SLC39A11: variants seen among roughly 807,000 people sequenced by gnomAD.
The protein encoded by SLC39A11 is zinc transporter ZIP11.
A neutral mutation model predicts 36.1 loss-of-function variants in SLC39A11; 33 were observed. The observed-to-expected ratio is 0.91, with a 90% confidence interval of 0.69 to 1.22. The LOEUF (loss-of-function observed/expected upper bound fraction) is 1.22. SLC39A11 is among the 50% of genes most tolerant of loss of function. The pLI, the probability that SLC39A11 is intolerant of heterozygous loss-of-function variation, is 0.00. For synonymous variants in SLC39A11, 166 were observed against 170.3 expected (o/e 0.97, Z 0.20); for missense variants, 432 against 430.3 (o/e 1.00, Z -0.03).
chr17:72,970,000 C>T (rs1415385404), intron 4 of SLC39A11, among the ~76,000 whole-genome samples: 1 of 152,186 alleles, frequency 6.6e-6, no homozygotes, highest in African/African-American at 2.4e-5. Flanking sequence ...AACGGCAGTC[C>T]CAGCACCACC....
intron 5 of SLC39A11, among the ~76,000 whole-genome samples, chr17:72,926,958 C>A (rs2084085984): frequency 6.8e-6 from 1 of 146,486 alleles, no homozygotes; most frequent in South Asian, 2.1e-4. Context: ...TAAAAGAGAC[C>A]ACTACCCTGA....
chr17:72,925,011 A>AG (rs2147324065), intron 5 of SLC39A11, among the ~76,000 whole-genome samples: 1 of 151,140 alleles, frequency 6.6e-6, no homozygotes, highest in Non-Finnish European at 1.5e-5. Context: ...CAAAAAAAAA[A>AG]AAAAAAAAAA....
At position 72,745,232 on chromosome 17, in the gene SLC39A11, C is replaced by G. The variant is rs113228360; in HGVS notation, c.602-8513G>C. On this transcript the variant is annotated intron_variant, in intron 6 of 9. Coordinates refer to ENST00000255559, the MANE Select transcript of SLC39A11 (RefSeq NM_139177.4). Reference sequence around the variant, plus strand: ...GTGGATGGGAAAGGGCACCTGTACACGGTAGCTTGAGAAGTGCAATCACCT... The same window carrying G: ...GTGGATGGGAAAGGGCACCTGTACAGGGTAGCTTGAGAAGTGCAATCACCT... 1.1e-3 allele frequency among the ~76,000 whole-genome samples: 173 copies of G among 152,324 alleles called. 2 individuals are homozygous for G. Among genetic ancestry groups the G allele is most frequent in the Middle Eastern group, 6.8e-3 (2 of 294 alleles).
chr17:73,005,123 A>G (rs2090108512), intron 4 of SLC39A11, among the ~76,000 whole-genome samples: 1 of 152,122 alleles, frequency 6.6e-6, no homozygotes, highest in African/African-American at 2.4e-5. Flanking sequence ...CAGCCTCCCA[A>G]GTAGCTGGGA....
chr17:72,685,048 G>A (rs908136581), intron 7 of SLC39A11, among the ~76,000 whole-genome samples: 7 of 152,162 alleles, frequency 4.6e-5, no homozygotes, highest in African/African-American at 1.7e-4. Context: ...AATGATCATC[G>A]ATTCAACTCC....
intron 7 of SLC39A11, chr17:72,664,205 CTA>C (rs2070619721): frequency 6.6e-6 from 1 of 152,336 alleles, no homozygotes; most frequent in African/African-American, 2.4e-5. Context: ...GTTATTATTT[CTA>C]TGACAGAGGA....
chr17:72,876,783 G>A (rs527249973), intron 5 of SLC39A11, among the ~76,000 whole-genome samples: 1 of 152,164 alleles, frequency 6.6e-6, no homozygotes, highest in Non-Finnish European at 1.5e-5. Flanking sequence ...AGAAGGATTT[G>A]AGACTGACCT....
At position 73,010,911 on chromosome 17, in the gene SLC39A11, A is replaced by C. The variant is rs184406883; in HGVS notation, c.306+20645T>G. ...CGATGCCGTAAGGAAGCGTTTTCCTAACAATGATCTCCTCTGATCTTCACA... is the reference window on the plus strand; with the variant it reads ...CGATGCCGTAAGGAAGCGTTTTCCTCACAATGATCTCCTCTGATCTTCACA... On this transcript the variant is annotated intron_variant, in intron 4 of 9. Transcript: ENST00000255559. Among the ~76,000 whole-genome samples, 251 of 152,334 alleles carry C rather than the reference A, an allele frequency of 1.6e-3. 1 individual carries two copies. The highest frequency in any genetic ancestry group is 5.9e-3 in the African/African-American group (244 of 41,566).
intron 7 of SLC39A11, among the ~76,000 whole-genome samples, chr17:72,684,491 G>C (rs988266444): frequency 6.6e-6 from 1 of 152,188 alleles, no homozygotes. Context: ...TGCTAGCACC[G>C]ACCACAGTGA....
intron 4 of SLC39A11, among the ~76,000 whole-genome samples, chr17:72,959,325 G>GTGTGTGTGTATATATATATATA (rs1436484912): frequency 3.1e-5 from 2 of 65,548 alleles, no homozygotes; most frequent in African/African-American, 1.4e-4. Context: ...GTGTGTGTGT[G>GTGTGTGTGTATATATATATATA]TATATATATA....
At chr17:72,673,042 C>A (rs950956191) in intron 7 of SLC39A11, among the ~76,000 whole-genome samples, 2 of 152,134 alleles carry the variant, frequency 1.3e-5, no homozygotes, top group African/African-American at 4.8e-5. Flanking sequence ...AGATACCCGG[C>A]CCTTAAAAGA....
intron 7 of SLC39A11, among the ~76,000 whole-genome samples, chr17:72,661,215 T>C (rs944610228): frequency 4.6e-5 from 7 of 152,182 alleles, no homozygotes; most frequent in African/African-American, 1.7e-4. Flanking sequence ...GGGGTACTTT[T>C]CACCTTGTGT....
intron 6 of SLC39A11, among the ~76,000 whole-genome samples, chr17:72,802,061 G>C (rs1319686814): frequency 6.6e-6 from 1 of 152,180 alleles, no homozygotes; most frequent in Non-Finnish European, 1.5e-5. Context: ...CAGAAGGTTC[G>C]ATGCAGCGCA....
At chr17:72,787,660 T>C (rs1568092942) in intron 6 of SLC39A11, among the ~76,000 whole-genome samples, 4 of 152,226 alleles carry the variant, frequency 2.6e-5, no homozygotes, top group Non-Finnish European at 4.4e-5. Context: ...GTCTATCATA[T>C]ACTCAGCCAA....
At position 72,977,727 on chromosome 17, in the gene SLC39A11, C is replaced by T. The variant is rs770609019; in HGVS notation, c.307-29852G>A. ...CACAAACAAAGGGCTGGAACAGAAA[C>T]ACCCCCACACAGCAACAATGAGTTT... On this transcript the variant is annotated intron_variant, in intron 4 of 9. Coordinates refer to ENST00000255559, the MANE Select transcript of SLC39A11 (RefSeq NM_139177.4). Among the ~76,000 whole-genome samples the T allele has an allele frequency of 2.2e-4, 34 of 152,198 alleles. 1 individual carries two copies. Among genetic ancestry groups the T allele is most frequent in the Non-Finnish European group, 2.9e-4 (20 of 68,040 alleles).
At position 72,917,703 on chromosome 17, in the gene SLC39A11, G is replaced by A. The variant is rs2083413190; in HGVS notation, c.430+30049C>T. Among the ~76,000 whole-genome samples the A allele has an allele frequency of 2.6e-5, 4 of 152,318 alleles. No homozygotes were observed. In the South Asian group the frequency reaches 8.3e-4, roughly 32 times the overall value. On this transcript the variant is annotated intron_variant, in intron 5 of 9. Transcript: ENST00000255559. ...CACTGGCTGCTCTTTATTGGGCTGT[G>A]TACAAAATAAAAGTGGGCAGGAACC...
intron 6 of SLC39A11, among the ~76,000 whole-genome samples, chr17:72,789,451 A>T (rs1016029517): frequency 1.3e-5 from 2 of 152,234 alleles, no homozygotes; most frequent in African/African-American, 4.8e-5. Context: ...CAAAGGGCAC[A>T]CGAAATGAAG....
chr17:72,753,889 CAAAAAAAAAAA>C (rs35076559), intron 6 of SLC39A11, among the ~76,000 whole-genome samples: 1 of 51,944 alleles, frequency 1.9e-5, no homozygotes, highest in Non-Finnish European at 3.7e-5. Flanking sequence ...AGTCATTATA[CAAAAAAAAAAA>C]AAAAAAAAAA....
chr17:72,709,317 A>G (rs1263321168), intron 7 of SLC39A11, among the ~76,000 whole-genome samples: 4 of 151,920 alleles, frequency 2.6e-5, no homozygotes, highest in Non-Finnish European at 4.4e-5. Flanking sequence ...GGGTCTCATT[A>G]TGTTGCTCAG....
Sources: allele counts gnomAD v4.1 joint callset (sites outside exome capture counted in the v4.1 genomes callset), GRCh38; gene constraint gnomAD v4.1.1; transcripts MANE v1.5; gene names NCBI Gene and HGNC (gene_info 2026-07-23, HGNC 2026-07-21).